The following PCDHA4 variants were observed in gnomAD, a reference collection of about 807,000 sequenced individuals.
PCDHA4 encodes protocadherin alpha-4.
A neutral mutation model predicts 61.4 loss-of-function variants in PCDHA4; 49 were observed. That is an observed-to-expected ratio of 0.80 (90% CI 0.63 to 1.01). The LOEUF is 1.01. Ranked by LOEUF, PCDHA4 falls within the 50% of genes least tolerant of loss-of-function variation. The probability of loss-of-function intolerance (pLI) is 0.00; values close to 1 mark genes in which losing one functional copy is unlikely to be tolerated. For synonymous variants in PCDHA4, 590 were observed against 550.3 expected (o/e 1.07, Z -1.01); for missense variants, 1,254 against 1,235.8 (o/e 1.01, Z -0.22).
chr5:140,975,156 G>A (rs1404839334), intron 1 of PCDHA4, among the ~76,000 whole-genome samples: 15 of 152,174 alleles, frequency 9.9e-5, no homozygotes, highest in Non-Finnish European at 2.1e-4. Context: ...AGTTCCTAGA[G>A]AACTGAGGAC....
intron 1 of PCDHA4, chr5:140,850,726 CG>C: frequency 6.3e-7 from 1 of 1,597,804 alleles, no homozygotes; most frequent in Non-Finnish European, 8.6e-7. Context: ...TGTTCTAGCG[CG>C]GTGGGGAGTT....
chr5:140,938,679 T>C (rs574212689), intron 1 of PCDHA4, among the ~76,000 whole-genome samples: 1 of 152,302 alleles, frequency 6.6e-6, no homozygotes, highest in South Asian at 2.1e-4. Flanking sequence ...CCTAACATTT[T>C]CTTTACAGTT....
Position 141,009,631 on chromosome 5 carries a change from A to G in PCDHA4, c.2538A>G (p.Pro846=). 6.2e-7 allele frequency: 1 copy of G among 1,613,068 alleles called. No individual in the cohort carries two copies. The highest frequency in any genetic ancestry group is 8.5e-7 in the Non-Finnish European group (1 of 1,179,354). The change falls in exon 4 of 4, where the codon CCA becomes CCG. Residue 846 remains proline (P), a synonymous_variant. Transcript: ENST00000530339. ...WPTVSSATPE[P]EAGEVSPPVG... is the part of the protein sequence containing the mutation. ...TTGTAATGTTTTGTCTTTCAGAACC[A>G]GAGGCAGGAGAAGTGTCCCCTCCAG...
At chr5:140,830,287 C>A in intron 1 of PCDHA4, 1 of 1,613,846 alleles carries the variant, frequency 6.2e-7, no homozygotes. Context: ...AGGGCGCGTG[C>A]ACGGCGGACA....
intron 1 of PCDHA4, among the ~76,000 whole-genome samples, chr5:140,893,358 C>A (rs1385049897): frequency 2.0e-5 from 3 of 152,134 alleles, no homozygotes; most frequent in Admixed American, 6.5e-5. Context: ...AATTTACATG[C>A]CCACCAACAG....
intron 1 of PCDHA4, chr5:140,836,148 C>A: frequency 6.2e-7 from 1 of 1,613,764 alleles, no homozygotes; most frequent in Non-Finnish European, 8.5e-7. Flanking sequence ...GGGCGCGGGC[C>A]ATGTGGTGGC....
chr5:140,882,081 T>G, intron 1 of PCDHA4: 1 of 985,220 alleles, frequency 1.0e-6, no homozygotes, highest in Non-Finnish European at 1.5e-6. Context: ...ATGGTGTCGC[T>G]CTTCACTGAG....
At chr5:140,863,065 G>C (rs2047759481) in intron 1 of PCDHA4, 1 of 566,972 alleles carries the variant, frequency 1.8e-6, no homozygotes, top group Non-Finnish European at 3.5e-6. Flanking sequence ...GTTCCACGTG[G>C]GGCTCTGCAC....
At chr5:140,898,703 G>A (rs2066931625) in intron 1 of PCDHA4, among the ~76,000 whole-genome samples, 1 of 152,068 alleles carries the variant, frequency 6.6e-6, no homozygotes, top group Non-Finnish European at 1.5e-5. Context: ...GAACTTTAAA[G>A]TAGTTTTTTC....
chr5:140,855,239 A>T (rs1315147782), intron 1 of PCDHA4, among the ~76,000 whole-genome samples: 1 of 149,864 alleles, frequency 6.7e-6, no homozygotes, highest in Non-Finnish European at 1.5e-5. Flanking sequence ...TTAAGGTACT[A>T]TTGCAAGCAC....
chr5:140,899,230 G>A (rs1487839667), intron 1 of PCDHA4, among the ~76,000 whole-genome samples: 4 of 152,058 alleles, frequency 2.6e-5, no homozygotes, highest in Admixed American at 6.5e-5. Flanking sequence ...ACACTATGTT[G>A]AATAGGAGTG....
At chr5:140,981,766 T>C (rs1321747581) in intron 2 of PCDHA4, among the ~76,000 whole-genome samples, 7 of 152,144 alleles carry the variant, frequency 4.6e-5, no homozygotes, top group Non-Finnish European at 1.0e-4. Flanking sequence ...CATACATAAA[T>C]GAATACTGCA....
chr5:140,876,551 A>G (rs781855200), intron 1 of PCDHA4: 1 of 1,614,184 alleles, frequency 6.2e-7, no homozygotes, highest in Admixed American at 1.7e-5. Context: ...CTCCCTGTGC[A>G]AGAGGATGCT....
At chr5:140,856,271 G>A (rs782472888) in intron 1 of PCDHA4, 1 of 1,598,148 alleles carries the variant, frequency 6.3e-7, no homozygotes, top group Admixed American at 1.7e-5. Flanking sequence ...GGACCTTCTG[G>A]AGGTAAATCT....
At chr5:140,979,215 G>A (rs1463069868) in intron 2 of PCDHA4, among the ~76,000 whole-genome samples, 5 of 152,178 alleles carry the variant, frequency 3.3e-5, no homozygotes, top group African/African-American at 4.8e-5. Context: ...TGGCATATAA[G>A]AGTCCTCTGT....
rs79831933 is a variant in PCDHA4, at chr5:140,933,507, A to G, written c.2386-45442A>G. ...TATTCTTTAGAATTGTTAAGCAAAG[A>G]CTACAGCTGTTTTGTTTAAACTCAA... On this transcript the variant is annotated intron_variant, in intron 1 of 3. Transcript: ENST00000530339. 5.9e-3 allele frequency among the ~76,000 whole-genome samples: 898 copies of G among 152,170 alleles called. 13 individuals carry two copies. Among genetic ancestry groups the G allele is most frequent in the African/African-American group, 0.02 (841 of 41,572 alleles).
At chr5:140,867,220 A>G (rs782476423) in intron 1 of PCDHA4, 2 of 152,110 alleles carry the variant, frequency 1.3e-5, no homozygotes, top group Non-Finnish European at 2.9e-5. Flanking sequence ...TTCATCCCCA[A>G]TTCCCATAAT....
intron 1 of PCDHA4, chr5:140,927,030 A>T: frequency 6.2e-7 from 1 of 1,612,410 alleles, no homozygotes; most frequent in Non-Finnish European, 8.5e-7. Flanking sequence ...TGAGGCTGCC[A>T]GCGGCCGCTA....
At chr5:140,870,876 GA>G (rs34601225) in intron 1 of PCDHA4, 1 of 1,613,958 alleles carries the variant, frequency 6.2e-7, no homozygotes, top group Non-Finnish European at 8.5e-7. Flanking sequence ...ACGTGGTGGC[GA>G]AGGTGCGCGC....
Sources: allele counts gnomAD v4.1 joint callset (sites outside exome capture counted in the v4.1 genomes callset), GRCh38; gene constraint gnomAD v4.1.1; transcripts MANE v1.5; gene names NCBI Gene and HGNC (gene_info 2026-07-23, HGNC 2026-07-21).